BACH2: variants seen among roughly 807,000 people sequenced by gnomAD.
The protein encoded by BACH2 is BACH transcriptional regulator 2.
A neutral mutation model predicts 61.8 loss-of-function variants in BACH2; 5 were observed. The ratio of observed to expected loss-of-function variants is 0.08; its 90% CI spans 0.04 to 0.17. The LOEUF is 0.17. Ranked by LOEUF, BACH2 falls within the 10% of genes least tolerant of loss-of-function variation. The pLI is 1.00. For missense variants in BACH2, 824 were observed against 1,091.1 expected, an observed-to-expected ratio of 0.76 and a Z score of 3.45; for synonymous variants, 446 against 440.1, an observed-to-expected ratio of 1.01 and a Z score of -0.17.
At chr6:90,147,385 G>A (rs768387246) in intron 4 of BACH2, among the ~76,000 whole-genome samples, 1 of 152,018 alleles carries the variant, frequency 6.6e-6, no homozygotes, top group Non-Finnish European at 1.5e-5. Flanking sequence ...GTTTTTCTCT[G>A]ATCTGCTGTT....
intron 3 of BACH2, among the ~76,000 whole-genome samples, chr6:90,214,242 C>T (rs1279100405): frequency 6.6e-6 from 1 of 152,146 alleles, no homozygotes; most frequent in Non-Finnish European, 1.5e-5. Flanking sequence ...GAATTATATT[C>T]ATCTAGAACA....
At chr6:90,073,263 T>A (rs1781321050) in intron 5 of BACH2, among the ~76,000 whole-genome samples, 1 of 151,980 alleles carries the variant, frequency 6.6e-6, no homozygotes, top group Admixed American at 6.5e-5. Context: ...CACCTCAGCT[T>A]TCCCTCTGAA....
At chr6:89,944,437 CTG>C (rs1773614064) in intron 7 of BACH2, among the ~76,000 whole-genome samples, 1 of 152,220 alleles carries the variant, frequency 6.6e-6, no homozygotes, top group Non-Finnish European at 1.5e-5. Flanking sequence ...CATAAAAACA[CTG>C]TTTTAATTAG....
intron 5 of BACH2, among the ~76,000 whole-genome samples, chr6:90,063,925 C>T (rs1285359385): frequency 6.6e-6 from 1 of 151,914 alleles, no homozygotes; most frequent in Non-Finnish European, 1.5e-5. Context: ...TTAATTAACT[C>T]TTTCTTTCTT....
chr6:89,994,281 A>G (rs1250208841), intron 6 of BACH2, among the ~76,000 whole-genome samples: 1 of 152,228 alleles, frequency 6.6e-6, no homozygotes, highest in Admixed American at 6.5e-5. Flanking sequence ...TGTCTGACAT[A>G]GAGTCAGACA....
intron 1 of BACH2, among the ~76,000 whole-genome samples, chr6:90,273,372 G>A (rs145247551): frequency 4.6e-5 from 7 of 152,210 alleles, no homozygotes; most frequent in African/African-American, 7.2e-5. Flanking sequence ...AAAAGTGGGG[G>A]CAGGAGGGAC....
chr6:89,940,874 A>G (rs1179521533), intron 7 of BACH2, among the ~76,000 whole-genome samples: 3 of 151,034 alleles, frequency 2.0e-5, no homozygotes, highest in Non-Finnish European at 4.4e-5. Context: ...TTTGTGCTAA[A>G]CTTTCCAAAT....
At chr6:90,193,271 T>C (rs1435722679) in intron 4 of BACH2, among the ~76,000 whole-genome samples, 1 of 152,098 alleles carries the variant, frequency 6.6e-6, no homozygotes, top group African/African-American at 2.4e-5. Flanking sequence ...CCATTACAGA[T>C]GTAATTAGTT....
chr6:90,065,136 A>T (rs1780881616), intron 5 of BACH2, among the ~76,000 whole-genome samples: 2 of 152,006 alleles, frequency 1.3e-5, no homozygotes, highest in Non-Finnish European at 2.9e-5. Flanking sequence ...GAGAAAAAAA[A>T]AAAAGCCTAT....
intron 5 of BACH2, among the ~76,000 whole-genome samples, chr6:90,064,508 G>A (rs1780843797): frequency 6.6e-6 from 1 of 152,190 alleles, no homozygotes; most frequent in South Asian, 2.1e-4. Context: ...TTTGGTGAAT[G>A]GGTTAGGCTC....
intron 1 of BACH2, among the ~76,000 whole-genome samples, chr6:90,296,015 G>C (rs568171191): frequency 1.3e-5 from 2 of 152,168 alleles, no homozygotes; most frequent in South Asian, 2.1e-4. Flanking sequence ...CCGGCCTGGA[G>C]CTGGGATCGC....
intron 4 of BACH2, among the ~76,000 whole-genome samples, chr6:90,112,637 T>C (rs1783223821): frequency 6.6e-6 from 1 of 152,126 alleles, no homozygotes; most frequent in Non-Finnish European, 1.5e-5. Flanking sequence ...TGCTATCAGC[T>C]AATACAAAAA....
At chr6:89,974,285 C>G (rs190341207) in intron 6 of BACH2, among the ~76,000 whole-genome samples, 1 of 152,162 alleles carries the variant, frequency 6.6e-6, no homozygotes, top group African/African-American at 2.4e-5. Flanking sequence ...GTTTCCTCAC[C>G]TGCCATATGG....
intron 4 of BACH2, among the ~76,000 whole-genome samples, chr6:90,130,147 A>C (rs1289452352): frequency 2.0e-5 from 3 of 152,164 alleles, no homozygotes; most frequent in African/African-American, 7.2e-5. Flanking sequence ...TTGGGATTAC[A>C]GGAGTAAGCC....
At chr6:90,037,219 T>C (rs1351825402) in intron 5 of BACH2, among the ~76,000 whole-genome samples, 2 of 152,152 alleles carry the variant, frequency 1.3e-5, no homozygotes, top group Non-Finnish European at 2.9e-5. Context: ...TTAAAATCCA[T>C]ACCCATGCCC....
chr6:90,057,001 A>G (rs1169168928), intron 5 of BACH2, among the ~76,000 whole-genome samples: 1 of 152,214 alleles, frequency 6.6e-6, no homozygotes, highest in African/African-American at 2.4e-5. Flanking sequence ...ATAGCACTAA[A>G]TGCCCACAAG....
chr6:90,101,781 C>T (rs977188913), intron 4 of BACH2, among the ~76,000 whole-genome samples: 1 of 152,194 alleles, frequency 6.6e-6, no homozygotes, highest in African/African-American at 2.4e-5. Context: ...GTCTTCTGAT[C>T]TATGAACATT....
chr6:90,210,580 TAAA>T (rs1221974204), intron 3 of BACH2, among the ~76,000 whole-genome samples: 5 of 152,212 alleles, frequency 3.3e-5, no homozygotes, highest in Non-Finnish European at 5.9e-5. Flanking sequence ...GACTGCATCT[TAAA>T]TATAAAGCAT....
intron 3 of BACH2, among the ~76,000 whole-genome samples, chr6:90,245,787 A>C (rs1299840666): frequency 6.6e-6 from 1 of 152,222 alleles, no homozygotes; most frequent in Non-Finnish European, 1.5e-5. Context: ...AAACAAGAGA[A>C]GTCTGAATTT....
Sources: allele counts gnomAD v4.1 joint callset (sites outside exome capture counted in the v4.1 genomes callset), GRCh38; gene constraint gnomAD v4.1.1; transcripts MANE v1.5; gene names NCBI Gene and HGNC (gene_info 2026-07-23, HGNC 2026-07-21).